OPCML: variants seen among roughly 807,000 people sequenced by gnomAD.
OPCML encodes opioid binding protein/cell adhesion molecule like, also known as opioid-binding protein/cell adhesion molecule.
OPCML carries 13 observed loss-of-function variants against 37.8 expected under a neutral mutation model. That is an observed-to-expected ratio of 0.34 (90% CI 0.22 to 0.55). The LOEUF (loss-of-function observed/expected upper bound fraction) is 0.55. Ranked by LOEUF, OPCML falls within the 20% of genes least tolerant of loss-of-function variation. OPCML has a pLI of 0.91. For synonymous variants in OPCML, 176 were observed against 168.8 expected, an observed-to-expected ratio of 1.04 and a Z score of -0.33; for missense variants, 341 against 435.6, an observed-to-expected ratio of 0.78 and a Z score of 1.93.
chr11:133,120,404 G>T (rs1949402308), intron 1 of OPCML, among the ~76,000 whole-genome samples: 1 of 152,176 alleles, frequency 6.6e-6, no homozygotes, highest in Non-Finnish European at 1.5e-5. Flanking sequence ...CCCTCATGGA[G>T]TTTAAAATCC....
chr11:132,460,654 G>T (rs2096098254), intron 4 of OPCML, among the ~76,000 whole-genome samples: 1 of 152,152 alleles, frequency 6.6e-6, no homozygotes, highest in Admixed American at 6.5e-5. Flanking sequence ...TAGCGACTTG[G>T]GGCTATCTTT....
chr11:132,948,170 A>G (rs954999229), intron 1 of OPCML, among the ~76,000 whole-genome samples: 2 of 152,226 alleles, frequency 1.3e-5, no homozygotes, highest in African/African-American at 4.8e-5. Context: ...AAGAAGACAG[A>G]CACAGAGACG....
intron 2 of OPCML, among the ~76,000 whole-genome samples, chr11:132,660,767 G>A (rs1190828724): frequency 6.6e-6 from 1 of 152,130 alleles, no homozygotes; most frequent in Non-Finnish European, 1.5e-5. Flanking sequence ...TTCTGTGGGA[G>A]TCTCCTTCAA....
intron 1 of OPCML, among the ~76,000 whole-genome samples, chr11:132,947,888 C>A (rs1317033298): frequency 6.6e-6 from 1 of 152,192 alleles, no homozygotes; most frequent in East Asian, 1.9e-4. Context: ...TTGCATTATA[C>A]CTACTGTTGA....
At chr11:133,032,913 T>G (rs909750335) in intron 1 of OPCML, among the ~76,000 whole-genome samples, 4 of 152,242 alleles carry the variant, frequency 2.6e-5, no homozygotes, top group African/African-American at 9.6e-5. Flanking sequence ...AATTCCCTTC[T>G]GAAGAGAATT....
intron 2 of OPCML, among the ~76,000 whole-genome samples, chr11:132,928,114 G>GTCAGTGATTACTTTA (rs1210331764): frequency 6.6e-6 from 1 of 151,952 alleles, no homozygotes; most frequent in Non-Finnish European, 1.5e-5. Context: ...AGCATAGTAA[G>GTCAGTGATTACTTTA]TCAGTGATTA....
chr11:133,326,274 T>C (rs1450379683), intron 1 of OPCML, among the ~76,000 whole-genome samples: 1 of 100,432 alleles, frequency 1.0e-5, no homozygotes, highest in Admixed American at 1.1e-4. Flanking sequence ...TGTGTGTATG[T>C]GTGTGGGGGT....
At chr11:133,016,344 G>A (rs1200699142) in intron 1 of OPCML, among the ~76,000 whole-genome samples, 1 of 152,128 alleles carries the variant, frequency 6.6e-6, no homozygotes, top group African/African-American at 2.4e-5. Context: ...GGAGTTGTGG[G>A]ACTGAAGTCC....
chr11:132,810,943 G>C (rs900051836), intron 2 of OPCML: 1 of 152,172 alleles, frequency 6.6e-6, no homozygotes, highest in Admixed American at 6.6e-5. Flanking sequence ...GTGCTGGGTG[G>C]GTGGGGATAA....
intron 2 of OPCML, among the ~76,000 whole-genome samples, chr11:132,848,651 T>C (rs556293065): frequency 6.6e-4 from 100 of 152,336 alleles, no homozygotes; most frequent in African/African-American, 1.8e-3. Context: ...TTTATGAGTA[T>C]GACATACTAG....
chr11:133,247,147 C>G (rs1293508188), intron 1 of OPCML, among the ~76,000 whole-genome samples: 1 of 152,094 alleles, frequency 6.6e-6, no homozygotes, highest in Non-Finnish European at 1.5e-5. Flanking sequence ...AATGAACAGA[C>G]TCTATAAACA....
chr11:132,602,222 A>G (rs1937969148), intron 3 of OPCML, among the ~76,000 whole-genome samples: 2 of 152,162 alleles, frequency 1.3e-5, no homozygotes, highest in African/African-American at 2.4e-5. Flanking sequence ...CTGATAATTA[A>G]TATTGGAGGA....
chr11:132,541,910 C>G (rs996690505), intron 3 of OPCML, among the ~76,000 whole-genome samples: 3 of 152,188 alleles, frequency 2.0e-5, no homozygotes, highest in Non-Finnish European at 2.9e-5. Flanking sequence ...AGGTTTGGAA[C>G]AGAAGTGGCC....
intron 4 of OPCML, among the ~76,000 whole-genome samples, chr11:132,519,561 G>A (rs186606225): frequency 4.6e-5 from 7 of 152,180 alleles, no homozygotes; most frequent in Middle Eastern, 3.4e-3. Flanking sequence ...ATGCCAAAGC[G>A]AAAATGTACG....
intron 1 of OPCML, among the ~76,000 whole-genome samples, chr11:132,982,318 A>G (rs1946604485): frequency 6.8e-6 from 1 of 147,426 alleles, no homozygotes; most frequent in African/African-American, 2.6e-5. Flanking sequence ...TCCTTTGAAC[A>G]CCTCTACCTT....
intron 1 of OPCML, among the ~76,000 whole-genome samples, chr11:133,464,527 A>C (rs1391042225): frequency 6.6e-6 from 1 of 152,200 alleles, no homozygotes; most frequent in Non-Finnish European, 1.5e-5. Flanking sequence ...CCTTCAGCTG[A>C]AACCTGAAAT....
intron 4 of OPCML, among the ~76,000 whole-genome samples, chr11:132,518,730 C>T (rs892870443): frequency 6.6e-6 from 1 of 152,186 alleles, no homozygotes; most frequent in African/African-American, 2.4e-5. Flanking sequence ...CTGTGAGATG[C>T]CATGGCCTTG....
At chr11:133,200,604 G>T (rs1938732956) in intron 1 of OPCML, among the ~76,000 whole-genome samples, 1 of 152,072 alleles carries the variant, frequency 6.6e-6, no homozygotes, top group African/African-American at 2.4e-5. Flanking sequence ...CTAGGACATA[G>T]ACATACAGAT....
At chr11:132,756,721 G>A (rs1257607938) in intron 2 of OPCML, among the ~76,000 whole-genome samples, 1 of 152,122 alleles carries the variant, frequency 6.6e-6, no homozygotes, top group African/African-American at 2.4e-5. Context: ...TAATTAACTC[G>A]AATATAATTT....
Sources: gnomAD v4.1 joint callset for allele counts (sites outside exome capture counted in the v4.1 genomes callset) on GRCh38, gnomAD v4.1.1 for gene constraint, MANE v1.5 for transcripts, NCBI Gene and HGNC (gene_info 2026-07-23, HGNC 2026-07-21) for gene names.